The following C2orf92 variants were observed in gnomAD, a reference collection of about 807,000 sequenced individuals.
C2orf92 encodes uncharacterized protein C2orf92.
At chr2:97,673,295 G>A (rs910980865) in intron 1 of C2orf92, among the ~76,000 whole-genome samples, 18 of 152,170 alleles carry the variant, frequency 1.2e-4, no homozygotes, top group African/African-American at 2.7e-4. Context: ...GGCACGAAGC[G>A]TGGGGTGGAG....
intron 6 of C2orf92, among the ~76,000 whole-genome samples, chr2:97,699,604 TA>T (rs1309404158): frequency 6.6e-6 from 1 of 151,878 alleles, no homozygotes; most frequent in Non-Finnish European, 1.5e-5. Flanking sequence ...AGACTCAATC[TA>T]AAAAAATAAA....
At chr2:97,690,062 C>T (rs1014803969) in intron 4 of C2orf92, among the ~76,000 whole-genome samples, 194 bp from the exon 5 acceptor site, 14 of 151,566 alleles carry the variant, frequency 9.2e-5, no homozygotes, top group African/African-American at 2.4e-4. Context: ...ACCTGGGAGG[C>T]GGAGGTTGCC....
At chr2:97,665,721 CTCTCTCTCTCTCTCTCTA>C (rs1457377426), upstream of C2orf92, 26 of 63,098 alleles carry the variant, frequency 4.1e-4, no homozygotes, top group African/African-American at 9.7e-4. Flanking sequence ...CTCTCTCTCT[CTCTCTCTCTCTCTCTCTA>C]TATATATATA....
chr2:97,680,022 G>A (rs775600474), intron 3 of C2orf92, among the ~76,000 whole-genome samples: 21 of 152,038 alleles, frequency 1.4e-4, no homozygotes, highest in Non-Finnish European at 2.4e-4. Flanking sequence ...CAAAATGGCT[G>A]AGCCTGGTGG....
At chr2:97,701,835 C>T (rs1427321107) in intron 7 of C2orf92, among the ~76,000 whole-genome samples, 1 of 152,162 alleles carries the variant, frequency 6.6e-6, no homozygotes, top group Non-Finnish European at 1.5e-5. Flanking sequence ...CTGGCACAGC[C>T]GTGGCCCTCC....
rs141894493 is a variant in C2orf92, at chr2:97,693,856, A to G, written c.403+3529A>G. On this transcript the variant is annotated intron_variant, in intron 5 of 7. Transcript: ENST00000627399. ...ACTTTTAATTATTGATACATATGAT[A>G]GGTGTTTCTCCATTTGTATTCTTTT... Among the ~76,000 whole-genome samples, 428 of 152,346 alleles carry G rather than the reference A, an allele frequency of 2.8e-3. 1 individual carries two copies. Among genetic ancestry groups the G allele is most frequent in the African/African-American group, 9.9e-3 (411 of 41,590 alleles).
Position 97,702,992 on chromosome 2 carries a change from C to G in C2orf92, c.*191C>G. 1 of 390,160 alleles carries G rather than the reference C, an allele frequency of 2.6e-6. No homozygotes were observed. The highest frequency in any genetic ancestry group is 4.5e-6 in the Non-Finnish European group (1 of 221,354). The allele number at this position is 390,160 out of a possible 1,614,324, so 24.2% of individuals were successfully genotyped here. The stretch of plus-strand genomic sequence containing the variant: ...TAGGACACTTGTGGCAATATGGCAC[C>G]GATGGCTGGCGTCGGTGAACCCGAC... On this transcript the variant is annotated 3_prime_UTR_variant, in exon 8 of 8. Coordinates refer to ENST00000627399, the MANE Select transcript of C2orf92 (RefSeq NM_001351368.2).
At chr2:97,664,686 C>T (rs951356182) in intron 1 of C2orf92, 3 of 152,110 alleles carry the variant, frequency 2.0e-5, no homozygotes, top group Admixed American at 6.5e-5. Flanking sequence ...AATAATCGCG[C>T]TTCGGATAAA....
chr2:97,687,464 T>G (rs960622382), intron 3 of C2orf92, among the ~76,000 whole-genome samples: 3 of 152,184 alleles, frequency 2.0e-5, no homozygotes, highest in African/African-American at 7.2e-5. Context: ...GAAGTCCTCT[T>G]TAGCAGAGAG....
upstream of C2orf92, among the ~76,000 whole-genome samples, chr2:97,667,241 T>C (rs1440475324): frequency 6.6e-6 from 1 of 150,714 alleles, no homozygotes; most frequent in Non-Finnish European, 1.5e-5. Flanking sequence ...CTGAACAGTA[T>C]ATGAGGCACC....
At chr2:97,678,017 G>C (rs778724495) in intron 3 of C2orf92, among the ~76,000 whole-genome samples, 1 of 151,992 alleles carries the variant, frequency 6.6e-6, no homozygotes, top group Admixed American at 6.6e-5. Flanking sequence ...TGGCTAACAC[G>C]GTGAAATCCC....
chr2:97,680,152 A>G (rs1675718618), intron 3 of C2orf92, among the ~76,000 whole-genome samples: 1 of 152,058 alleles, frequency 6.6e-6, no homozygotes, highest in Non-Finnish European at 1.5e-5. Flanking sequence ...CACAAAAATT[A>G]GCTGAGCGTG....
chr2:97,682,187 G>T (rs1178793652), intron 3 of C2orf92, among the ~76,000 whole-genome samples: 2 of 152,140 alleles, frequency 1.3e-5, no homozygotes, highest in Non-Finnish European at 2.9e-5. Flanking sequence ...ATAAACATTT[G>T]TATGCTCACA....
At chr2:97,669,130 A>C (rs1440092322), upstream of C2orf92, 1 of 152,236 alleles carries the variant, frequency 6.6e-6, no homozygotes, top group Non-Finnish European at 1.5e-5. Context: ...AAGGTACTAT[A>C]ATAGATTTTT....
At chr2:97,699,283 G>T (rs1305009259) in intron 6 of C2orf92, 147 bp downstream of exon 6, 1 of 390,958 alleles carries the variant, frequency 2.6e-6, no homozygotes, top group Non-Finnish European at 4.5e-6. Context: ...ACAACCTGCA[G>T]TTAAAATTTA....
chr2:97,665,723 CTCTCTCTCTCTCTCTATATATA>C (rs1471079575), upstream of C2orf92: 119 of 61,822 alleles, frequency 1.9e-3, no homozygotes, highest in African/African-American at 7.3e-3. Context: ...CTCTCTCTCT[CTCTCTCTCTCTCTCTATATATA>C]TATATATATA....
chr2:97,689,702 G>T (rs1323896324), intron 4 of C2orf92, among the ~76,000 whole-genome samples: 3 of 152,168 alleles, frequency 2.0e-5, no homozygotes, highest in Non-Finnish European at 4.4e-5. Flanking sequence ...TTCCCTGAGG[G>T]TAGCCCAGGA....
At position 97,702,762 on chromosome 2, in the gene C2orf92, A is replaced by T. The variant is rs998859371; in HGVS notation, c.759A>T (p.Ala253=). ...NSEEKNFTKL[A]KKQKQLKSSS... ...AAGAAAAAAATTTCACAAAACTTGC[A>T]AAAAAACAGAAACAGTTGAAGAGCA... The change falls in exon 8 of 8, where the codon GCA becomes GCT. Residue 253 remains alanine (A), a synonymous_variant. Coordinates refer to ENST00000627399, the MANE Select transcript of C2orf92 (RefSeq NM_001351368.2). The T allele has an allele frequency of 7.5e-6, 3 of 398,852 alleles. No homozygotes were observed. 24.7% of individuals were successfully genotyped at this position (398,852 alleles called of 1,614,324 possible). A position where few individuals can be genotyped will look rare whatever the true frequency, so the allele number is the denominator to read the frequency against.
At chr2:97,674,785 T>C (rs1675523308) in intron 2 of C2orf92, among the ~76,000 whole-genome samples, 1 of 152,148 alleles carries the variant, frequency 6.6e-6, no homozygotes, top group African/African-American at 2.4e-5. Flanking sequence ...TTTGGGGTGA[T>C]CCCTGACGTG....
Sources: gnomAD v4.1 joint callset for allele counts (sites outside exome capture counted in the v4.1 genomes callset) on GRCh38, gnomAD v4.1.1 for gene constraint, MANE v1.5 for transcripts, NCBI Gene and HGNC (gene_info 2026-07-23, HGNC 2026-07-21) for gene names.